The following SCN10A variants were observed in gnomAD, a reference collection of about 807,000 sequenced individuals.
SCN10A encodes sodium voltage-gated channel alpha subunit 10, also known as sodium channel protein type 10 subunit alpha.
In SCN10A, 162 loss-of-function variants were observed where a neutral mutation model predicts 170.7. The ratio of observed to expected loss-of-function variants is 0.95; its 90% CI spans 0.84 to 1.08. SCN10A has a LOEUF of 1.08. Ranked by LOEUF, SCN10A falls within the 50% of genes least tolerant of loss-of-function variation. SCN10A has a pLI of 0.00. For synonymous variants in SCN10A, 985 were observed against 904.6 expected (o/e 1.09, Z -1.59); for missense variants, 2,527 against 2,436.9 (o/e 1.04, Z -0.78).
chr3:38,702,492 T>C (rs756097705), intron 26 of SCN10A, among the ~76,000 whole-genome samples: 9 of 152,242 alleles, frequency 5.9e-5, no homozygotes, highest in Non-Finnish European at 1.0e-4. Flanking sequence ...CCCTGTCCCT[T>C]TGGGGATCCC....
chr3:38,760,837 C>A, intron 7 of SCN10A, 90 bp from the exon 8 acceptor site: 1 of 1,048,098 alleles, frequency 9.5e-7, no homozygotes, highest in Non-Finnish European at 1.5e-6. Flanking sequence ...CCCAAGTCTT[C>A]CAAAGTGAGC....
chr3:38,716,135 A>G (rs1383936763), intron 21 of SCN10A, among the ~76,000 whole-genome samples: 2 of 152,178 alleles, frequency 1.3e-5, no homozygotes, highest in Non-Finnish European at 2.9e-5. Context: ...CTCTTGCCAC[A>G]GGGGGAGAAA....
Position 38,718,757 on chromosome 3 carries a change from AG to A in SCN10A, c.3576del (p.Phe1193SerfsTer34). 1 of 1,614,248 alleles carries A rather than the reference AG, an allele frequency of 6.2e-7. No homozygotes were observed. The highest frequency in any genetic ancestry group is 8.5e-7 in the Non-Finnish European group (1 of 1,180,032). Reference protein sequence around the residue: ...VKALLEYTDRVFTFIFVFEML... With the variant: ...VKALLEYTDRXFTFIFVFEML... Reference sequence around the variant, plus strand: ...ATCTCGAACACAAAGATAAAGGTGAAGACCCTGTCAGTGTACTCCAGCAAAG... The same window carrying A: ...ATCTCGAACACAAAGATAAAGGTGAAACCCTGTCAGTGTACTCCAGCAAAG... On this transcript the variant is annotated frameshift_variant, in exon 21 of 28. Coordinates refer to ENST00000449082, the MANE Select transcript of SCN10A (RefSeq NM_006514.4). LOFTEE classifies it high-confidence loss of function.
rs762425469 is a variant in SCN10A, at chr3:38,714,098, C to T, written c.3682-18G>A. ...AGTGAGATCTGAGTGCAGGAGAGGG[C>T]AGAAACATCACTCTAGGTTTCCAGA... On this transcript the variant is annotated intron_variant, in intron 21 of 27. Coordinates refer to ENST00000449082, the MANE Select transcript of SCN10A (RefSeq NM_006514.4). 1 of 1,613,414 alleles carries T rather than the reference C, an allele frequency of 6.2e-7. No homozygotes were observed. Among genetic ancestry groups the T allele is most frequent in the South Asian group, 1.1e-5 (1 of 91,030 alleles).
intron 21 of SCN10A, 55 bp from the exon 22 acceptor site, chr3:38,714,135 C>T (rs933565593): frequency 1.1e-5 from 18 of 1,601,470 alleles, no homozygotes; most frequent in African/African-American, 9.4e-5. Flanking sequence ...AGGCAGTCCT[C>T]GTGGAAGGAG....
At chr3:38,745,600 ATATC>A (rs2063677859) in intron 13 of SCN10A, among the ~76,000 whole-genome samples, 1 of 152,116 alleles carries the variant, frequency 6.6e-6, no homozygotes, top group Non-Finnish European at 1.5e-5. Flanking sequence ...TCTGTACACC[ATATC>A]TCCATTTCTT....
chr3:38,744,266 A>G (rs1200207685), intron 13 of SCN10A, among the ~76,000 whole-genome samples: 1 of 152,136 alleles, frequency 6.6e-6, no homozygotes, highest in African/African-American at 2.4e-5. Context: ...GGAAGGGTCT[A>G]TAGTGGGAAG....
At chr3:38,781,552 A>G (rs578072520) in intron 4 of SCN10A, among the ~76,000 whole-genome samples, 131 of 152,146 alleles carry the variant, frequency 8.6e-4, no homozygotes, top group African/African-American at 3.1e-3. Context: ...CCAACCAACT[A>G]CCACTTCTTC....
At chr3:38,755,503 T>A (rs555976770) in intron 11 of SCN10A, among the ~76,000 whole-genome samples, 163 of 152,246 alleles carry the variant, frequency 1.1e-3, no homozygotes, top group African/African-American at 3.7e-3. Context: ...GATTGCCCAA[T>A]CCTGAAACCT....
chr3:38,791,402 C>T (rs1481497319), intron 3 of SCN10A, among the ~76,000 whole-genome samples: 2 of 152,194 alleles, frequency 1.3e-5, no homozygotes, highest in African/African-American at 2.4e-5. Flanking sequence ...AGACATTTGA[C>T]CAATGTGTCT....
intron 4 of SCN10A, among the ~76,000 whole-genome samples, chr3:38,776,401 A>G (rs1455409923): frequency 6.6e-6 from 1 of 151,876 alleles, no homozygotes. Flanking sequence ...CTTTTTTTTG[A>G]ATTGTGATAT....
chr3:38,775,635 T>C (rs1559458913), intron 4 of SCN10A, among the ~76,000 whole-genome samples: 1 of 152,172 alleles, frequency 6.6e-6, no homozygotes, highest in Non-Finnish European at 1.5e-5. Context: ...GAACAAAAAG[T>C]CACTGAGTCT....
chr3:38,733,591 C>A (rs2126007113), intron 15 of SCN10A, among the ~76,000 whole-genome samples: 1 of 152,266 alleles, frequency 6.6e-6, no homozygotes, highest in African/African-American at 2.4e-5. Flanking sequence ...GCTGTAATTT[C>A]TGCAGCCACG....
chr3:38,762,487 A>C (rs1306504207), intron 6 of SCN10A, among the ~76,000 whole-genome samples: 2 of 152,082 alleles, frequency 1.3e-5, no homozygotes, highest in African/African-American at 2.4e-5. Flanking sequence ...TCCCAGAAGA[A>C]GGGGCAGCAC....
At chr3:38,813,307 A>C (rs1218053188) in intron 1 of SCN10A, among the ~76,000 whole-genome samples, 1 of 152,104 alleles carries the variant, frequency 6.6e-6, no homozygotes, top group Non-Finnish European at 1.5e-5. Context: ...CCCTCTTGTC[A>C]CCTCACATTG....
At chr3:38,756,313 G>T (rs2063804401) in intron 10 of SCN10A, among the ~76,000 whole-genome samples, 1 of 150,340 alleles carries the variant, frequency 6.7e-6, no homozygotes, top group South Asian at 2.1e-4. Context: ...AAAAAAAAAA[G>T]CTGGCCCCCT....
intron 16 of SCN10A, 103 bp downstream of exon 16, chr3:38,728,439 G>T: frequency 7.7e-7 from 1 of 1,296,924 alleles, no homozygotes; most frequent in Non-Finnish European, 1.0e-6. Flanking sequence ...AACCAGAGAA[G>T]TACAATCTGG....
chr3:38,761,161 C>A lies in SCN10A; in HGVS notation c.883+31G>T. ...ATATGATACCAAGGGTCCAACCAGA[C>A]CTTGGTCCCTATGGAAGAGACTCCA... On this transcript the variant is annotated intron_variant, in intron 7 of 27. Transcript: ENST00000449082. 2.0e-6 allele frequency: 3 copies of A among 1,498,804 alleles called. 1 individual carries two copies. Among genetic ancestry groups the A allele is most frequent in the South Asian group, 2.4e-5 (2 of 83,260 alleles). The allele number at this position is 1,498,804 out of a possible 1,614,324, so 92.8% of individuals were successfully genotyped here.
chr3:38,761,447 C>T (rs2063870764), intron 6 of SCN10A, 64 bp from the exon 7 acceptor site: 2 of 1,384,276 alleles, frequency 1.4e-6, no homozygotes, highest in African/African-American at 2.9e-5. Flanking sequence ...CACACTTCTT[C>T]ATCTTAGCCA....
Sources: gnomAD v4.1 joint callset for allele counts (sites outside exome capture counted in the v4.1 genomes callset) on GRCh38, gnomAD v4.1.1 for gene constraint, MANE v1.5 for transcripts, NCBI Gene and HGNC (gene_info 2026-07-23, HGNC 2026-07-21) for gene names.